Variants in XK observed in about 807,000 individuals in gnomAD.
XK encodes the protein endoplasmic reticulum membrane adapter protein XK.
Under a neutral mutation model 14.0 loss-of-function variants are expected in XK, and 2 were observed. The ratio of observed to expected loss-of-function variants is 0.14; its 90% confidence interval spans 0.06 to 0.45. The LOEUF (loss-of-function observed/expected upper bound fraction) is 0.45. XK is among the 20% of genes least tolerant of loss of function. The pLI is 0.98. For synonymous variants in XK, 149 were observed against 147.5 expected, an observed-to-expected ratio of 1.01 and a Z score of -0.08; for missense variants, 235 against 341.5, an observed-to-expected ratio of 0.69 and a Z score of 2.46.
At chrX:37,704,857 G>A (rs781856076) in intron 2 of XK, among the ~76,000 whole-genome samples, 4 of 111,875 alleles carry the variant, frequency 3.6e-5, no homozygotes, top group Non-Finnish European at 7.5e-5. Flanking sequence ...AGTATCTGGA[G>A]ATGATAGACA....
At chrX:37,716,733 T>C (rs1602155182) in intron 2 of XK, among the ~76,000 whole-genome samples, 1 of 111,998 alleles carries the variant, frequency 8.9e-6, no homozygotes, top group East Asian at 2.8e-4. Flanking sequence ...ATTTTGCTGA[T>C]AGAGGGCCCC....
chrX:37,720,655 A>G (rs782040204), intron 2 of XK, among the ~76,000 whole-genome samples: 3 of 110,768 alleles, frequency 2.7e-5, no homozygotes, highest in Non-Finnish European at 3.8e-5. Context: ...TACATTAAGT[A>G]CAATGTACAT....
intron 2 of XK, among the ~76,000 whole-genome samples, chrX:37,707,271 C>A (rs1556445406): frequency 9.1e-6 from 1 of 109,331 alleles, no homozygotes. Flanking sequence ...TGACCCCCCA[C>A]CTCCCTCCCA....
At chrX:37,706,636 T>A (rs782335004) in intron 2 of XK, among the ~76,000 whole-genome samples, 25 of 109,886 alleles carry the variant, frequency 2.3e-4, no homozygotes, top group African/African-American at 4.6e-4. Context: ...TAATTAATTT[T>A]ATTTTATTTT....
chrX:37,718,185 A>C (rs1338689629), intron 2 of XK, among the ~76,000 whole-genome samples: 2 of 111,562 alleles, frequency 1.8e-5, no homozygotes, highest in African/African-American at 6.5e-5. Context: ...CAAGGTGAGA[A>C]ACAAAAGAGT....
At chrX:37,722,455 G>A (rs28998783) in intron 2 of XK, among the ~76,000 whole-genome samples, 2,040 of 111,154 alleles carry the variant, frequency 0.018, 40 homozygotes, top group African/African-American at 0.063. Flanking sequence ...GGGAGATCCC[G>A]GCTCCAGATC....
At position 37,695,640 on chromosome X, in the gene XK, A is replaced by T. The variant is rs959640181; in HGVS notation, c.508+1092A>T. Among the ~76,000 whole-genome samples, 3 of 111,932 alleles carry T rather than the reference A, an allele frequency of 2.7e-5. No individual in the cohort carries two copies. In the East Asian group the frequency reaches 8.3e-4, roughly 31 times the overall value. On this transcript the variant is annotated intron_variant, in intron 2 of 2. Coordinates refer to ENST00000378616, the MANE Select transcript of XK (RefSeq NM_021083.4). ...TTTAAGAAAACATTGAAGATAAGAA[A>T]GACTCTTATTTATTTTACTTCACTC...
At chrX:37,700,834 G>A (rs1376127757) in intron 2 of XK, among the ~76,000 whole-genome samples, 2 of 111,213 alleles carry the variant, frequency 1.8e-5, no homozygotes, top group Non-Finnish European at 3.8e-5. Context: ...GGGATGGGTG[G>A]AGAGGGGGCA....
chrX:37,725,393 T>C (rs1927956571), intron 2 of XK, among the ~76,000 whole-genome samples: 2 of 111,944 alleles, frequency 1.8e-5, no homozygotes, highest in Non-Finnish European at 1.9e-5. Context: ...CAAAATATTA[T>C]GTTGTACACT....
At chrX:37,712,769 T>G (rs1412060366) in intron 2 of XK, among the ~76,000 whole-genome samples, 2 of 111,852 alleles carry the variant, frequency 1.8e-5, no homozygotes, top group Non-Finnish European at 3.8e-5. Flanking sequence ...TGAATATGAG[T>G]TAGGCAGGGA....
intron 2 of XK, among the ~76,000 whole-genome samples, chrX:37,696,949 T>C (rs1300521714): frequency 2.7e-5 from 3 of 112,284 alleles, no homozygotes; most frequent in Non-Finnish European, 5.6e-5. Context: ...TAATAGACTT[T>C]ACTTTGTCTT....
chrX:37,727,345 A>G (rs1927994991), intron 2 of XK, among the ~76,000 whole-genome samples: 1 of 111,592 alleles, frequency 9.0e-6, no homozygotes, highest in Admixed American at 9.5e-5. Context: ...TGGGGAAGCC[A>G]TAGTACTTGT....
intron 1 of XK, among the ~76,000 whole-genome samples, chrX:37,691,012 C>T (rs1038855438): frequency 8.9e-6 from 1 of 111,849 alleles, no homozygotes; most frequent in Non-Finnish European, 1.9e-5. Context: ...GGTCTTGGGG[C>T]CTTTTACAAA....
At chrX:37,705,171 C>T (rs1443885651) in intron 2 of XK, among the ~76,000 whole-genome samples, 6 of 110,917 alleles carry the variant, frequency 5.4e-5, no homozygotes, top group East Asian at 5.6e-4. Flanking sequence ...AGAAGCCAGG[C>T]GTGGTAGCTC....
In XK at chrX:37,728,634, C is replaced by T. The variant is rs1928026822; in HGVS notation, c.*172C>T. 1.9e-6 allele frequency: 1 copy of T among 516,359 alleles called. No individual in the cohort carries two copies. Among genetic ancestry groups the T allele is most frequent in the Non-Finnish European group, 3.2e-6 (1 of 312,373 alleles). The allele number at this position is 516,359 out of a possible 1,213,427, so 42.6% of individuals were successfully genotyped here. On this transcript the variant is annotated 3_prime_UTR_variant, in exon 3 of 3. Transcript: ENST00000378616. ...GTATGTAGAACTGTATGGGAAGAAGCCAGGAAAACCTCTGAGTGTTGAAGG... is the reference window on the plus strand; with the variant it reads ...GTATGTAGAACTGTATGGGAAGAAGTCAGGAAAACCTCTGAGTGTTGAAGG...
At chrX:37,711,442 A>G (rs886165594) in intron 2 of XK, among the ~76,000 whole-genome samples, 10 of 112,541 alleles carry the variant, frequency 8.9e-5, no homozygotes, top group African/African-American at 2.3e-4. Context: ...GGTAATGCCC[A>G]TGGGGCCACC....
In XK at chrX:37,731,547, TTA is replaced by T. The variant is rs1928087960; in HGVS notation, c.*3088_*3089del. 8.9e-6 allele frequency: 1 copy of T among 112,552 alleles called. No individual in the cohort carries two copies. Among genetic ancestry groups the T allele is most frequent in the South Asian group, 3.6e-4 (1 of 2,760 alleles). The allele number at this position is 112,552 out of a possible 1,213,427, so 9.3% of individuals were successfully genotyped here. On this transcript the variant is annotated 3_prime_UTR_variant, in exon 3 of 3. Coordinates refer to ENST00000378616, the MANE Select transcript of XK (RefSeq NM_021083.4). The stretch of plus-strand genomic sequence containing the variant: ...AAATGTTTTTAAGTGCTATGCATAT[TTA>T]TAGAGTTATTATAGTTATTCAAATC...
intron 2 of XK, among the ~76,000 whole-genome samples, chrX:37,726,746 G>A (rs1255041853): frequency 8.9e-6 from 1 of 112,009 alleles, no homozygotes; most frequent in Non-Finnish European, 1.9e-5. Flanking sequence ...AATAAACAGA[G>A]TTGAAACTTC....
At position 37,727,999 on chromosome X, in the gene XK, A is replaced by T; in HGVS notation, c.872A>T (p.Asn291Ile). 1 of 1,211,272 alleles carries T rather than the reference A, an allele frequency of 8.3e-7. No homozygotes were observed. The highest frequency in any genetic ancestry group is 1.1e-6 in the Non-Finnish European group (1 of 895,359). ...CTAACTTTACTCTATACTGGTATCA[A>T]CATGTTCTGCTGGTCTGCTGTACAG... ...CFLTLLYTGINMFCWSAVQLK... is the reference protein window; with the variant it reads ...CFLTLLYTGIIMFCWSAVQLK... The change falls in exon 3 of 3, where the codon AAC becomes ATC. Residue 291 changes from asparagine (N) to isoleucine (I), a missense_variant. Transcript: ENST00000378616.
Sources: allele counts gnomAD v4.1 joint callset (sites outside exome capture counted in the v4.1 genomes callset), GRCh38; gene constraint gnomAD v4.1.1; transcripts MANE v1.5; gene names NCBI Gene and HGNC (gene_info 2026-07-23, HGNC 2026-07-21).